The following SH3KBP1 variants were observed in gnomAD, a reference collection of about 807,000 sequenced individuals.
SH3KBP1 encodes the protein SH3 domain-containing kinase-binding protein 1.
A neutral mutation model predicts 50.1 loss-of-function variants in SH3KBP1; 8 were observed. The observed-to-expected ratio is 0.16, with a 90% CI of 0.09 to 0.29. The LOEUF (loss-of-function observed/expected upper bound fraction) is 0.29. Ranked by LOEUF, SH3KBP1 falls within the 10% of genes least tolerant of loss-of-function variation. The pLI is 1.00. For synonymous variants in SH3KBP1, 227 were observed against 218.6 expected, an observed-to-expected ratio of 1.04 and a Z score of -0.34; for missense variants, 377 against 535.2, an observed-to-expected ratio of 0.70 and a Z score of 2.92.
chrX:19,763,669 T>C (rs1008694105), intron 2 of SH3KBP1, among the ~76,000 whole-genome samples: 5 of 112,123 alleles, frequency 4.5e-5, no homozygotes, highest in African/African-American at 1.6e-4. Flanking sequence ...TCTTTTCCCT[T>C]AGGTCTTTCA....
chrX:19,647,603 T>C (rs1460720416), intron 6 of SH3KBP1, among the ~76,000 whole-genome samples: 1 of 111,720 alleles, frequency 9.0e-6, no homozygotes, highest in Non-Finnish European at 1.9e-5. Flanking sequence ...GCTGGTATTA[T>C]CCTCATCTTC....
intron 2 of SH3KBP1, among the ~76,000 whole-genome samples, chrX:19,776,532 G>GTTTTTTTTTTTTTTTTTT (rs72090569): frequency 3.9e-5 from 1 of 25,681 alleles, no homozygotes; most frequent in African/African-American, 1.7e-4. Flanking sequence ...TGACAACCTG[G>GTTTTTTTTTTTTTTTTTT]TTTTTTTTTT....
At chrX:19,800,422 TAGTC>T (rs756746809) in intron 2 of SH3KBP1, among the ~76,000 whole-genome samples, 5 of 112,362 alleles carry the variant, frequency 4.4e-5, no homozygotes, top group Admixed American at 2.8e-4. Flanking sequence ...AATACTGACA[TAGTC>T]AGAGCAGGAT....
At chrX:19,659,109 ATTT>A (rs147804094) in intron 6 of SH3KBP1, among the ~76,000 whole-genome samples, 3 of 57,314 alleles carry the variant, frequency 5.2e-5, no homozygotes. Context: ...TGCCCAGCTA[ATTT>A]TTTTTTTTTT....
chrX:19,567,888 A>G (rs978413420), intron 13 of SH3KBP1, among the ~76,000 whole-genome samples: 1 of 111,148 alleles, frequency 9.0e-6, no homozygotes, highest in Non-Finnish European at 1.9e-5. Context: ...GAAGATGTAA[A>G]GCTAAAAAAA....
At chrX:19,670,853 A>AAAAAAAAAAAAAAAAAT in intron 6 of SH3KBP1, 1 of 1,146,344 alleles carries the variant, frequency 8.7e-7, no homozygotes, top group African/African-American at 1.9e-5. Context: ...AAAAAAAAAA[A>AAAAAAAAAAAAAAAAAT]AGAAATACCT....
chrX:19,698,039 A>G (rs893584352), intron 4 of SH3KBP1, among the ~76,000 whole-genome samples: 2 of 112,189 alleles, frequency 1.8e-5, no homozygotes, highest in African/African-American at 3.2e-5. Flanking sequence ...TGCCAACTCA[A>G]CTGACACATA....
At chrX:19,603,006 A>C (rs1471155126) in intron 9 of SH3KBP1, among the ~76,000 whole-genome samples, 1 of 112,244 alleles carries the variant, frequency 8.9e-6, no homozygotes, top group Non-Finnish European at 1.9e-5. Flanking sequence ...ACATGATTAT[A>C]ATGGAGAAAG....
At chrX:19,570,695 T>G (rs1203358099) in intron 12 of SH3KBP1, among the ~76,000 whole-genome samples, 1 of 111,599 alleles carries the variant, frequency 9.0e-6, no homozygotes, top group African/African-American at 3.3e-5. Flanking sequence ...GTGGCTCACA[T>G]CTATAATCCC....
chrX:19,790,969 T>C (rs1362322582), intron 2 of SH3KBP1, among the ~76,000 whole-genome samples: 1 of 111,003 alleles, frequency 9.0e-6, no homozygotes, highest in African/African-American at 3.3e-5. Context: ...TTTATATGCA[T>C]ATTCTAACTC....
chrX:19,772,965 C>T (rs933705791), intron 2 of SH3KBP1, among the ~76,000 whole-genome samples: 10 of 111,751 alleles, frequency 8.9e-5, no homozygotes, highest in African/African-American at 3.3e-4. Context: ...GGCCAGTGTG[C>T]TCCATCTGGC....
At chrX:19,789,817 T>A (rs1358864723) in intron 2 of SH3KBP1, among the ~76,000 whole-genome samples, 1 of 110,292 alleles carries the variant, frequency 9.1e-6, no homozygotes, top group Non-Finnish European at 1.9e-5. Context: ...CCAGAGGCCA[T>A]TTTCCTCAGA....
At chrX:19,666,522 C>T (rs895918554) in intron 6 of SH3KBP1, among the ~76,000 whole-genome samples, 2 of 110,999 alleles carry the variant, frequency 1.8e-5, no homozygotes, top group African/African-American at 6.6e-5. Context: ...GACTGATCAG[C>T]TAGTTAATGG....
At chrX:19,570,886 A>T (rs933062146) in intron 12 of SH3KBP1, among the ~76,000 whole-genome samples, 2 of 111,762 alleles carry the variant, frequency 1.8e-5, no homozygotes, top group Non-Finnish European at 3.8e-5. Flanking sequence ...AGCCCAGGGA[A>T]GTTGAGGCTT....
intron 13 of SH3KBP1, among the ~76,000 whole-genome samples, chrX:19,567,518 CAAAAAAAAAAAAAAAAAAAAAAAA>C (rs869158450): frequency 3.3e-3 from 24 of 7,274 alleles, no homozygotes; most frequent in Non-Finnish European, 4.6e-3. Context: ...GACTCCATCT[CAAAAAAAAAAAAAAAAAAAAAAAA>C]AAAAAAAAAA....
At chrX:19,744,635 T>C (rs1371936011) in intron 3 of SH3KBP1, among the ~76,000 whole-genome samples, 1 of 112,048 alleles carries the variant, frequency 8.9e-6, no homozygotes, top group Non-Finnish European at 1.9e-5. Flanking sequence ...GAATGAAAGG[T>C]TGGCCATAAC....
At chrX:19,752,495 C>T (rs1348577717) in intron 2 of SH3KBP1, among the ~76,000 whole-genome samples, 4 of 112,503 alleles carry the variant, frequency 3.6e-5, no homozygotes, top group African/African-American at 1.3e-4. Flanking sequence ...AGATGATGTA[C>T]TGTATGATTC....
In SH3KBP1 at chrX:19,849,399, G is replaced by A. The variant is rs781237986; in HGVS notation, c.5-13117C>T. Among the ~76,000 whole-genome samples the A allele has an allele frequency of 2.7e-5, 3 of 111,162 alleles. No individual in the cohort carries two copies. In the South Asian group the frequency reaches 1.1e-3, roughly 42 times the overall value. On this transcript the variant is annotated intron_variant, in intron 1 of 17. Transcript: ENST00000397821. ...AGATGGCAGAACCTAGATTACAACA[G>A]ACTCAGAGGCCAGGTGCGGTAGCTC...
At chrX:19,787,392 A>G (rs1447947728) in intron 2 of SH3KBP1, among the ~76,000 whole-genome samples, 1 of 112,083 alleles carries the variant, frequency 8.9e-6, no homozygotes, top group African/African-American at 3.2e-5. Context: ...TCCCTTATTC[A>G]TGATTCACAG....
Sources: gnomAD v4.1 joint callset for allele counts (sites outside exome capture counted in the v4.1 genomes callset) on GRCh38, gnomAD v4.1.1 for gene constraint, MANE v1.5 for transcripts, NCBI Gene and HGNC (gene_info 2026-07-23, HGNC 2026-07-21) for gene names.